The following DAAM2 variants were observed in gnomAD, a reference collection of about 807,000 sequenced individuals.
The protein encoded by DAAM2 is dishevelled associated activator of morphogenesis 2.
A neutral mutation model predicts 120.7 loss-of-function variants in DAAM2; 39 were observed. The ratio of observed to expected loss-of-function variants is 0.32; its 90% CI spans 0.25 to 0.42. The LOEUF (loss-of-function observed/expected upper bound fraction) is 0.42, where lower values mean the gene tolerates loss of function less well. Ranked by LOEUF, DAAM2 falls within the 10% of genes least tolerant of loss-of-function variation. The pLI is 1.00. For missense variants in DAAM2, 1,283 were observed against 1,401.7 expected (o/e 0.92, Z 1.35); for synonymous variants, 488 against 524.9 (o/e 0.93, Z 0.96).
In DAAM2 at chr6:39,901,940, A is replaced by G. The variant is rs1240353306; in HGVS notation, c.3110A>G (p.Asp1037Gly). Reference protein sequence around the residue: ...VSALRSGEVFDKDLCKLKRSR... With the variant: ...VSALRSGEVFGKDLCKLKRSR... The stretch of plus-strand genomic sequence containing the variant: ...GCCCTGCGCTCTGGGGAGGTCTTCG[A>G]CAAGGACTTATGCAAGCTCAAGCGC... The change falls in exon 25 of 25, where the codon GAC (aspartate) becomes GGC (glycine). Residue 1037 changes from aspartate to glycine, a missense_variant. This residue lies in a region of DAAM2 where 748 missense variants were observed against 768.6 expected (regional missense o/e 0.97). Transcript: ENST00000274867. The surrounding 1 kb of genome is among the most constrained non-coding windows in gnomAD (Gnocchi z 4.5). The G allele has an allele frequency of 1.9e-6, 3 of 1,612,068 alleles. No individual in the cohort carries two copies. The African/African-American group carries it at 4.0e-5, about 22-fold the overall frequency.
chr6:39,800,687 TG>T (rs1761836087), intron 1 of DAAM2, among the ~76,000 whole-genome samples: 1 of 152,190 alleles, frequency 6.6e-6, no homozygotes, highest in Non-Finnish European at 1.5e-5. Context: ...GCTCCTCTCC[TG>T]GGTCACCCTG....
intron 7 of DAAM2, 95 bp from the exon 8 acceptor site, chr6:39,870,245 G>A: frequency 1.4e-6 from 1 of 728,802 alleles, no homozygotes; most frequent in East Asian, 2.7e-5. Context: ...GAGATGTGTT[G>A]GGTCTGTGGC....
intron 1 of DAAM2, among the ~76,000 whole-genome samples, chr6:39,825,832 C>G (rs1762654402): frequency 6.6e-6 from 1 of 152,192 alleles, no homozygotes; most frequent in African/African-American, 2.4e-5. Flanking sequence ...AGCCTGCACA[C>G]TACATGCAGT....
chr6:39,840,956 G>A (rs565657611), intron 1 of DAAM2, among the ~76,000 whole-genome samples: 35 of 150,008 alleles, frequency 2.3e-4, no homozygotes, highest in Non-Finnish European at 4.6e-4. Flanking sequence ...TAGGTGTTCC[G>A]GCTGAGGTTC....
At chr6:39,860,817 A>T (rs2504099) in intron 2 of DAAM2, 111 bp from the exon 3 acceptor site, 426,884 of 808,716 alleles carry the variant, frequency 0.53, 114,201 homozygotes, top group South Asian at 0.6. Context: ...GGAGGAAGAT[A>T]GTAGTAGCCT....
chr6:39,838,514 T>C (rs1317225758), intron 1 of DAAM2, among the ~76,000 whole-genome samples: 1 of 152,176 alleles, frequency 6.6e-6, no homozygotes, highest in Non-Finnish European at 1.5e-5. Context: ...TTGCCTGACC[T>C]GGATGCAGTC....
At chr6:39,795,014 G>A (rs144731141) in intron 1 of DAAM2, among the ~76,000 whole-genome samples, 73 of 152,324 alleles carry the variant, frequency 4.8e-4, no homozygotes, top group Admixed American at 1.4e-3. Context: ...GTTTCTGGGA[G>A]TGCTGCATGT....
chr6:39,867,617 G>T lies in DAAM2; in HGVS notation c.536G>T (p.Gly179Val). 3.1e-6 allele frequency: 5 copies of T among 1,614,028 alleles called. No individual in the cohort carries two copies. Among genetic ancestry groups the T allele is most frequent in the Non-Finnish European group, 3.4e-6 (4 of 1,179,892 alleles). ...CESRIHTSLI[G>V]CIKALMNNSQ... ...AGCCGCATCCACACCTCACTCATTG[G>T]CTGCATCAAAGCATTGATGAACAAC... Residue 179 changes from glycine (G) to valine (V), a missense_variant, in exon 6 of 25, where the codon GGC becomes GTC. Coordinates refer to ENST00000274867, the MANE Select transcript of DAAM2 (RefSeq NM_001201427.2).
chr6:39,825,320 T>C (rs1762627480), intron 1 of DAAM2, among the ~76,000 whole-genome samples: 1 of 150,878 alleles, frequency 6.6e-6, no homozygotes, highest in South Asian at 2.1e-4. Flanking sequence ...ACCCGGGAGG[T>C]GGAGGTTGCA....
chr6:39,856,519 T>G, intron 2 of DAAM2, 49 bp downstream of exon 2: 2 of 1,355,998 alleles, frequency 1.5e-6, no homozygotes, highest in Non-Finnish European at 9.7e-7. Flanking sequence ...GGAGGGTGGA[T>G]GGAGAGGCAG....
chr6:39,813,523 A>G (rs1762224736), intron 1 of DAAM2, among the ~76,000 whole-genome samples: 1 of 152,222 alleles, frequency 6.6e-6, no homozygotes, highest in African/African-American at 2.4e-5. Flanking sequence ...GGAGTGAGTT[A>G]TAATCAAGAA....
intron 1 of DAAM2, among the ~76,000 whole-genome samples, chr6:39,838,775 C>T (rs942282108): frequency 6.6e-6 from 1 of 152,202 alleles, no homozygotes; most frequent in African/African-American, 2.4e-5. Flanking sequence ...TCTCCTGTCT[C>T]TGCCTCCTGA....
intron 14 of DAAM2, among the ~76,000 whole-genome samples, chr6:39,883,193 T>G (rs1313608543): frequency 1.3e-5 from 2 of 151,746 alleles, no homozygotes; most frequent in African/African-American, 4.8e-5. Flanking sequence ...GCTTTTTTTT[T>G]TTTTTTTGGC....
At chr6:39,851,221 C>A (rs957607642) in intron 1 of DAAM2, among the ~76,000 whole-genome samples, 2 of 152,198 alleles carry the variant, frequency 1.3e-5, no homozygotes, top group Non-Finnish European at 2.9e-5. Flanking sequence ...GCTTAGGATA[C>A]TTTCTGGACG....
chr6:39,900,230 C>A, intron 23 of DAAM2, 22 bp downstream of exon 23: 1 of 1,606,484 alleles, frequency 6.2e-7, no homozygotes, highest in Non-Finnish European at 8.5e-7. Context: ...CCAACCCCCA[C>A]TGCTTGCCAA....
chr6:39,899,642 T>C (rs1017950950), intron 22 of DAAM2: 1 of 158,542 alleles, frequency 6.3e-6, no homozygotes, highest in Non-Finnish European at 1.4e-5. Flanking sequence ...AAATTTACAA[T>C]TTTATAGTCC....
intron 1 of DAAM2, among the ~76,000 whole-genome samples, chr6:39,794,165 G>A (rs574260911): frequency 4.4e-4 from 67 of 152,262 alleles, no homozygotes; most frequent in African/African-American, 1.6e-3. Flanking sequence ...CATCCCATAG[G>A]CAATGTAAAC....
At chr6:39,842,599 C>T (rs1415099260) in intron 1 of DAAM2, among the ~76,000 whole-genome samples, 1 of 152,102 alleles carries the variant, frequency 6.6e-6, no homozygotes, top group Non-Finnish European at 1.5e-5. Context: ...TGCCACTGTA[C>T]TCCAGCCGGG....
chr6:39,837,062 G>T (rs1389624356), intron 1 of DAAM2, among the ~76,000 whole-genome samples: 1 of 152,164 alleles, frequency 6.6e-6, no homozygotes, highest in Non-Finnish European at 1.5e-5. Flanking sequence ...TGGGCCTGGG[G>T]CATGAGTAGC....
Sources: gnomAD v4.1 joint callset for allele counts (sites outside exome capture counted in the v4.1 genomes callset) on GRCh38, gnomAD v4.1.1 for gene constraint, gnomAD v4.1.1 regional missense constraint, Gnocchi (gnomAD v3.1) non-coding constraint, MANE v1.5 for transcripts, NCBI Gene and HGNC (gene_info 2026-07-23, HGNC 2026-07-21) for gene names.